STAU1: variants seen among roughly 807,000 people sequenced by gnomAD.
STAU1 encodes the protein double-stranded RNA-binding protein Staufen homolog 1.
A neutral mutation model predicts 62.9 loss-of-function variants in STAU1; 13 were observed. The ratio of observed to expected loss-of-function variants is 0.21; its 90% CI spans 0.13 to 0.33. The LOEUF is 0.33. Among genes scored for constraint, STAU1 ranks in the 10% least tolerant of loss-of-function variants. The probability of loss-of-function intolerance (pLI) is 1.00; values close to 1 mark genes in which losing one functional copy is unlikely to be tolerated. For missense variants in STAU1, 571 were observed against 712.1 expected (o/e 0.80, Z 2.25); for synonymous variants, 269 against 265.1 (o/e 1.01, Z -0.14).
At chr20:49,119,250 T>A (rs1178575773) in intron 9 of STAU1, among the ~76,000 whole-genome samples, 1 of 152,182 alleles carries the variant, frequency 6.6e-6, no homozygotes, top group East Asian at 1.9e-4. Flanking sequence ...AGTGGCATGA[T>A]CACAGCTCAC....
At chr20:49,136,420 A>G (rs2092884616) in intron 5 of STAU1, among the ~76,000 whole-genome samples, 1 of 152,238 alleles carries the variant, frequency 6.6e-6, no homozygotes. Flanking sequence ...AAGAGGTTAA[A>G]AAGATACATG....
At chr20:49,186,582 A>G (rs1198036675) in intron 1 of STAU1, among the ~76,000 whole-genome samples, 7 of 152,092 alleles carry the variant, frequency 4.6e-5, no homozygotes, top group Non-Finnish European at 1.0e-4. Flanking sequence ...TTGAACACCC[A>G]TAAGTTGCAT....
rs1215772379 is a variant in STAU1 at position 49,127,080 on chromosome 20, C to T, written c.610-2493G>A. Among the ~76,000 whole-genome samples, 4 of 152,284 alleles carry T rather than the reference C, an allele frequency of 2.6e-5. No individual in the cohort carries two copies. The South Asian group carries it at 6.2e-4, about 24-fold the overall frequency. On this transcript the variant is annotated intron_variant, in intron 6 of 13. Coordinates refer to ENST00000371856, the MANE Select transcript of STAU1 (RefSeq NM_017453.4). ...TCAAAATTAAAAACCACTGGCCGGG[C>T]GCGGTGGCTCACGCCTGTAATCCCA...
intron 2 of STAU1, among the ~76,000 whole-genome samples, chr20:49,172,908 C>T (rs1282013302): frequency 1.3e-5 from 2 of 150,798 alleles, no homozygotes; most frequent in African/African-American, 2.4e-5. Context: ...GATGGAGTCT[C>T]GCTGTGTTGC....
At chr20:49,134,402 G>C (rs1291457990) in intron 6 of STAU1, 1 of 503,344 alleles carries the variant, frequency 2.0e-6, no homozygotes, top group African/African-American at 2.2e-5. Flanking sequence ...TTGCACTACA[G>C]CCTGGGCGAC....
chr20:49,216,033 A>AAAAAAAAAAAAAG, the STAU1 span, among the ~76,000 whole-genome samples: 2 of 104,524 alleles, frequency 1.9e-5, no homozygotes, highest in Non-Finnish European at 1.8e-5. Flanking sequence ...AAAAAAAAAA[A>AAAAAAAAAAAAAG]AAGAAGAAGA....
chr20:49,200,579 C>T, the STAU1 span, among the ~76,000 whole-genome samples: 11 of 150,780 alleles, frequency 7.3e-5, no homozygotes, highest in Admixed American at 2.0e-4. Flanking sequence ...CCAGCCTGGG[C>T]GACAGAGCAA....
chr20:49,123,923 C>T (rs2092530253), intron 7 of STAU1, among the ~76,000 whole-genome samples: 1 of 152,148 alleles, frequency 6.6e-6, no homozygotes, highest in African/African-American at 2.4e-5. Flanking sequence ...TTTGATAGAT[C>T]CATTAGTGTG....
rs1021938679 is a variant in STAU1 at position 49,159,016 on chromosome 20, T to C, written c.206-4945A>G. 35 of 1,289,016 alleles carry C rather than the reference T, an allele frequency of 2.7e-5. No homozygotes were observed. In the Admixed American group the frequency reaches 4.4e-4, roughly 16 times the overall value. The allele number at this position is 1,289,016 out of a possible 1,614,324, so 79.8% of individuals were successfully genotyped here. ...TCTGCAGTCCATCAGGCTACTCATT[T>C]AAGTACAAACAACAGCATGAACTCA... is the stretch of plus-strand genomic sequence containing the variant. On this transcript the variant is annotated intron_variant, in intron 3 of 13. Coordinates refer to ENST00000371856, the MANE Select transcript of STAU1 (RefSeq NM_017453.4).
intron 2 of STAU1, among the ~76,000 whole-genome samples, chr20:49,169,652 C>T (rs1236431892): frequency 1.3e-5 from 2 of 152,158 alleles, no homozygotes; most frequent in Admixed American, 1.3e-4. Context: ...AAGTTTGAAA[C>T]GCAAAGATTC....
intron 6 of STAU1, chr20:49,134,563 CA>C (rs2092831547): frequency 7.7e-7 from 1 of 1,294,024 alleles, no homozygotes; most frequent in Non-Finnish European, 1.1e-6. Flanking sequence ...GAAGTCAATT[CA>C]AAGGACCTGC....
upstream of STAU1, among the ~76,000 whole-genome samples, chr20:49,190,004 C>T (rs947616895): frequency 1.3e-5 from 2 of 152,146 alleles, no homozygotes; most frequent in Non-Finnish European, 2.9e-5. Flanking sequence ...AGTCAAAGGA[C>T]TTTCACCGTC....
At chr20:49,202,767 C>T in the STAU1 span, among the ~76,000 whole-genome samples, 17 of 151,706 alleles carry the variant, frequency 1.1e-4, no homozygotes, top group East Asian at 3.3e-3. Flanking sequence ...GGCCAGGCTC[C>T]GTGGCTCAAC....
In STAU1 at chr20:49,165,977, A is replaced by G. The variant is rs774504237; in HGVS notation, c.205+20T>C. 6.2e-7 allele frequency: 1 copy of G among 1,611,682 alleles called. No homozygotes were observed. The highest frequency in any genetic ancestry group is 2.2e-5 in the East Asian group (1 of 44,870). ...TAAGAAAACATTTGAAATAGAAGAC[A>G]CTTGGATTCATATGCTTACCTGCAG... On this transcript the variant is annotated intron_variant, in intron 3 of 13. Transcript: ENST00000371856.
intron 6 of STAU1, 78 bp from the exon 7 acceptor site, chr20:49,124,665 C>T (rs1212947666): frequency 6.9e-7 from 1 of 1,450,214 alleles, no homozygotes; most frequent in Non-Finnish European, 9.6e-7. Flanking sequence ...TGGCACACTT[C>T]ACACAGACAC....
At chr20:49,191,246 C>T (rs868377914), upstream of STAU1, among the ~76,000 whole-genome samples, 2 of 152,032 alleles carry the variant, frequency 1.3e-5, no homozygotes, top group African/African-American at 2.4e-5. Context: ...AGGCTGGTCT[C>T]GAACTCCTGG....
intron 1 of STAU1, among the ~76,000 whole-genome samples, chr20:49,182,949 T>A (rs1176288519): frequency 6.6e-6 from 1 of 152,194 alleles, no homozygotes; most frequent in African/African-American, 2.4e-5. Flanking sequence ...ATAAACTTTG[T>A]TATATGTTTG....
the STAU1 span, among the ~76,000 whole-genome samples, chr20:49,194,996 C>A: frequency 6.6e-6 from 1 of 151,942 alleles, no homozygotes; most frequent in African/African-American, 2.4e-5. Context: ...AGAATTCCTG[C>A]AAGAATGTTT....
the STAU1 span, among the ~76,000 whole-genome samples, chr20:49,195,816 T>C: frequency 7.0e-6 from 1 of 142,504 alleles, no homozygotes; most frequent in Non-Finnish European, 1.5e-5. Context: ...GGCAGGAGAA[T>C]TGCTTGCACC....
Sources: gnomAD v4.1 joint callset for allele counts (sites outside exome capture counted in the v4.1 genomes callset) on GRCh38, gnomAD v4.1.1 for gene constraint, MANE v1.5 for transcripts, NCBI Gene and HGNC (gene_info 2026-07-23, HGNC 2026-07-21) for gene names.